The following B3GAT1 variants were observed in gnomAD, a reference collection of about 807,000 sequenced individuals.
B3GAT1 encodes galactosylgalactosylxylosylprotein 3-beta-glucuronosyltransferase 1.
A neutral mutation model predicts 28.4 loss-of-function variants in B3GAT1; 11 were observed. That is an observed-to-expected ratio of 0.39 (90% CI 0.24 to 0.64). The LOEUF is 0.64. Among genes scored for constraint, B3GAT1 ranks in the 30% least tolerant of loss-of-function variants. The pLI, the probability that B3GAT1 is intolerant of heterozygous loss-of-function variation, is 0.50. For missense variants in B3GAT1, 375 were observed against 491.0 expected (o/e 0.76, Z 2.23); for synonymous variants, 255 against 223.1 (o/e 1.14, Z -1.27).
chr11:134,383,599 G>T, intron 3 of B3GAT1, 81 bp downstream of exon 3: 1 of 1,435,592 alleles, frequency 7.0e-7, no homozygotes, highest in South Asian at 1.5e-5. Context: ...GCGCGCCTCC[G>T]CACCCACACC....
In B3GAT1 at chr11:134,379,152, C is replaced by T. The variant is rs1944072406; in HGVS notation, c.*1610G>A. The T allele has an allele frequency of 6.6e-6, 1 of 152,174 alleles. No individual in the cohort carries two copies. The highest frequency in any genetic ancestry group is 2.4e-5 in the African/African-American group (1 of 41,434). 9.4% of individuals were successfully genotyped at this position (152,174 alleles called of 1,614,324 possible). A position where few individuals can be genotyped will look rare whatever the true frequency, so the allele number is the denominator to read the frequency against. On this transcript the variant is annotated 3_prime_UTR_variant, in exon 6 of 6. Coordinates refer to ENST00000312527, the MANE Select transcript of B3GAT1 (RefSeq NM_054025.3). Reference sequence around the variant, plus strand: ...ATTCCATCAGATGGTCTCATGAATACTGTGGGAGATTAAATCCATCTCAAA... The same window carrying T: ...ATTCCATCAGATGGTCTCATGAATATTGTGGGAGATTAAATCCATCTCAAA...
intron 1 of B3GAT1, among the ~76,000 whole-genome samples, chr11:134,397,888 A>G (rs1944534713): frequency 6.6e-6 from 1 of 152,142 alleles, no homozygotes; most frequent in African/African-American, 2.4e-5. Flanking sequence ...AGTGAGGAAC[A>G]GCAAGCATGG....
chr11:134,398,090 G>A (rs1944538712), intron 1 of B3GAT1, among the ~76,000 whole-genome samples: 1 of 152,196 alleles, frequency 6.6e-6, no homozygotes, highest in African/African-American at 2.4e-5. Flanking sequence ...GGGCATCGAG[G>A]CTGTGCTGGC....
At chr11:134,409,607 G>C (rs1311258192) in intron 1 of B3GAT1, 1 of 152,344 alleles carries the variant, frequency 6.6e-6, no homozygotes, top group Non-Finnish European at 1.5e-5. Context: ...TTCCTCAGTA[G>C]AATGTCCAAC....
At chr11:134,382,197 C>T (rs1190459046) in intron 4 of B3GAT1, among the ~76,000 whole-genome samples, 173 bp from the exon 5 acceptor site, 1 of 152,218 alleles carries the variant, frequency 6.6e-6, no homozygotes, top group African/African-American at 2.4e-5. Flanking sequence ...TTTTCTGTGG[C>T]TCTCGACTAC....
intron 1 of B3GAT1, chr11:134,390,305 C>T (rs996124778): frequency 1.3e-5 from 2 of 152,262 alleles, no homozygotes; most frequent in African/African-American, 2.4e-5. Context: ...TGTCAAGACA[C>T]GTTTTGGTTC....
chr11:134,381,777 G>A, intron 5 of B3GAT1, 147 bp downstream of exon 5: 1 of 646,312 alleles, frequency 1.5e-6, no homozygotes, highest in African/African-American at 1.8e-5. Flanking sequence ...GTGGGAAGGG[G>A]ACTGTGGTGA....
intron 1 of B3GAT1, among the ~76,000 whole-genome samples, chr11:134,408,844 CTATTCCAGTGGGGTGAGGAGGGAGGTGG>C: frequency 8.2e-6 from 1 of 121,718 alleles, no homozygotes; most frequent in African/African-American, 3.7e-5. Flanking sequence ...CAGCCTGCAC[CTATTCCAGTGGGGTGAGGAGGGAGGTGG>C]GACAGCCTGC....
At chr11:134,392,466 C>T (rs2136320023) in intron 1 of B3GAT1, 1 of 152,286 alleles carries the variant, frequency 6.6e-6, no homozygotes, top group Non-Finnish European at 1.5e-5. Flanking sequence ...AGTTCCGGAA[C>T]TCAAGTGATC....
At chr11:134,397,499 C>G (rs948474947) in intron 1 of B3GAT1, among the ~76,000 whole-genome samples, 2 of 152,128 alleles carry the variant, frequency 1.3e-5, no homozygotes, top group Non-Finnish European at 2.9e-5. Flanking sequence ...GTGGCCCATG[C>G]CAGAGGGCAG....
At chr11:134,398,270 T>G (rs1944543301) in intron 1 of B3GAT1, among the ~76,000 whole-genome samples, 1 of 152,204 alleles carries the variant, frequency 6.6e-6, no homozygotes, top group Non-Finnish European at 1.5e-5. Flanking sequence ...AGTGTTGCTC[T>G]GTGCCCTGTT....
chr11:134,384,185 T>C lies in B3GAT1; in HGVS notation c.116A>G (p.Glu39Gly). ...CGTTTCGCGTCGGGGGTCACTGCCCTCATCTGCGGAGTCGGGAGACCGGCG... is the reference window on the plus strand; with the variant it reads ...CGTTTCGCGTCGGGGGTCACTGCCCCCATCTGCGGAGTCGGGAGACCGGCG... ...LAPLLAVHKD[E>G]GSDPRRETPP... The change falls in exon 3 of 6, where the codon GAG becomes GGG. Residue 39 changes from glutamate (E) to glycine (G), a missense_variant. By Grantham distance (98) the Glu-to-Gly change is moderately conservative. Transcript: ENST00000312527. 5.9e-6 allele frequency: 9 copies of C among 1,534,776 alleles called. No homozygotes were observed. Among genetic ancestry groups the C allele is most frequent in the Non-Finnish European group, 7.9e-6 (9 of 1,141,246 alleles).
chr11:134,401,120 G>A (rs1472756866), intron 1 of B3GAT1, among the ~76,000 whole-genome samples: 1 of 152,196 alleles, frequency 6.6e-6, no homozygotes, highest in Non-Finnish European at 1.5e-5. Flanking sequence ...TGGAGAAAAG[G>A]GAACACTCGT....
In B3GAT1 at chr11:134,378,571, C is replaced by T. The variant is rs1944062617; in HGVS notation, c.*2191G>A. The T allele has an allele frequency of 6.6e-6, 1 of 152,234 alleles. No individual in the cohort carries two copies. Among genetic ancestry groups the T allele is most frequent in the South Asian group, 2.1e-4 (1 of 4,832 alleles). 9.4% of individuals were successfully genotyped at this position (152,234 alleles called of 1,614,324 possible). On this transcript the variant is annotated 3_prime_UTR_variant, in exon 6 of 6. Coordinates refer to ENST00000312527, the MANE Select transcript of B3GAT1 (RefSeq NM_054025.3). The stretch of plus-strand genomic sequence containing the variant: ...CAAATTAAATACAGTTAAATTAAAA[C>T]AGACCAGATGCAGCTGCCTGGGTGC...
Position 134,380,567 on chromosome 11 carries a change from C to G in B3GAT1, c.*195G>C, listed in dbSNP as rs1292567864. 2 of 152,730 alleles carry G rather than the reference C, an allele frequency of 1.3e-5. No individual in the cohort carries two copies. The highest frequency in any genetic ancestry group is 4.1e-4 in the South Asian group (2 of 4,826). 9.5% of individuals were successfully genotyped at this position (152,730 alleles called of 1,614,324 possible). On this transcript the variant is annotated 3_prime_UTR_variant, in exon 6 of 6. Coordinates refer to ENST00000312527, the MANE Select transcript of B3GAT1 (RefSeq NM_054025.3). ...TGGTCACGCTGGATGGAGAGAACAACAGGTCTGGGATTTCTGTGCTTAAAT... is the reference window on the plus strand; with the variant it reads ...TGGTCACGCTGGATGGAGAGAACAAGAGGTCTGGGATTTCTGTGCTTAAAT...
chr11:134,386,977 C>T (rs1279098479), intron 2 of B3GAT1: 1 of 157,086 alleles, frequency 6.4e-6, no homozygotes, highest in Admixed American at 6.1e-5. Context: ...CTCATACCCA[C>T]TACCACCTTT....
intron 2 of B3GAT1, 58 bp from the exon 3 acceptor site, chr11:134,384,246 C>G: frequency 6.7e-7 from 1 of 1,487,412 alleles, no homozygotes; most frequent in Non-Finnish European, 8.9e-7. Flanking sequence ...GCCCTGGATT[C>G]AGAGCGGGAC....
intron 1 of B3GAT1, among the ~76,000 whole-genome samples, chr11:134,406,536 T>G: frequency 2.8e-5 from 1 of 35,306 alleles, no homozygotes; most frequent in Non-Finnish European, 5.1e-5. Context: ...CTTGTGTTGA[T>G]TGGGTGGGTG....
At chr11:134,389,359 T>TC (rs1184752688) in intron 1 of B3GAT1, 1 of 152,192 alleles carries the variant, frequency 6.6e-6, no homozygotes, top group Non-Finnish European at 1.5e-5. Context: ...AGAAGAGGGG[T>TC]CCCCGCAGGG....
Sources: gnomAD v4.1 joint callset for allele counts (sites outside exome capture counted in the v4.1 genomes callset) on GRCh38, gnomAD v4.1.1 for gene constraint, MANE v1.5 for transcripts, NCBI Gene and HGNC (gene_info 2026-07-23, HGNC 2026-07-21) for gene names.